CDS1: variants seen among roughly 807,000 people sequenced by gnomAD.
The protein encoded by CDS1 is phosphatidate cytidylyltransferase 1.
CDS1 carries 41 observed loss-of-function variants against 62.1 expected under a neutral mutation model. The observed-to-expected ratio is 0.66, with a 90% confidence interval of 0.51 to 0.86. CDS1 has a LOEUF of 0.86. Among genes scored for constraint, CDS1 ranks in the 40% least tolerant of loss-of-function variants. The pLI, the probability that CDS1 is intolerant of heterozygous loss-of-function variation, is 0.00. For missense variants in CDS1, 470 were observed against 550.1 expected (o/e 0.85, Z 1.46); for synonymous variants, 185 against 192.6 (o/e 0.96, Z 0.32).
At chr4:84,607,226 A>G (rs1012730302) in intron 2 of CDS1, among the ~76,000 whole-genome samples, 1 of 152,192 alleles carries the variant, frequency 6.6e-6, no homozygotes, top group Admixed American at 6.5e-5. Flanking sequence ...ATATTTGAAA[A>G]GAGTATTTGT....
chr4:84,584,697 G>A lies in CDS1; in HGVS notation c.117+1179G>A, dbSNP rs117506265. On this transcript the variant is annotated intron_variant, in intron 1 of 12. Transcript: ENST00000295887. ...ATGATATCACGAAATAAACGTAAACGTGATTCTTAGTACTAAAACTTTAGA... is the reference window on the plus strand; with the variant it reads ...ATGATATCACGAAATAAACGTAAACATGATTCTTAGTACTAAAACTTTAGA... 8.5e-5 allele frequency among the ~76,000 whole-genome samples: 13 copies of A among 152,222 alleles called. No individual in the cohort carries two copies. The East Asian group carries it at 2.3e-3, about 27-fold the overall frequency.
In CDS1 at chr4:84,650,936, A is replaced by G. The variant is rs1724713534; in HGVS notation, c.*2250A>G. On this transcript the variant is annotated 3_prime_UTR_variant, in exon 13 of 13. Coordinates refer to ENST00000295887, the MANE Select transcript of CDS1 (RefSeq NM_001263.4). ...AAGAGGGCTTAAATTCCAATGTAGC[A>G]ATGTGGTGGCAGACAAATGAAAAAC... 6.6e-6 allele frequency: 1 copy of G among 152,168 alleles called. No homozygotes were observed. The highest frequency in any genetic ancestry group is 1.5e-5 in the Non-Finnish European group (1 of 68,038). The allele number at this position is 152,168 out of a possible 1,614,324, so 9.4% of individuals were successfully genotyped here.
intron 1 of CDS1, among the ~76,000 whole-genome samples, chr4:84,587,264 CAAT>C (rs1722448000): frequency 6.6e-6 from 1 of 151,994 alleles, no homozygotes; most frequent in African/African-American, 2.4e-5. Context: ...AAATTTTAAA[CAAT>C]AAATTTGTAT....
At chr4:84,586,284 A>G (rs917257222) in intron 1 of CDS1, among the ~76,000 whole-genome samples, 4 of 152,106 alleles carry the variant, frequency 2.6e-5, no homozygotes, top group African/African-American at 9.7e-5. Context: ...TGTGCACTTT[A>G]TTTCTATTAT....
In CDS1 at chr4:84,649,991, A is replaced by G. The variant is rs886792313; in HGVS notation, c.*1305A>G. On this transcript the variant is annotated 3_prime_UTR_variant, in exon 13 of 13. Transcript: ENST00000295887. ...CACAGCCATATTTATTGTATTAAACAATCAGCACTAAACCTTCAAAAATTG... is the reference window on the plus strand; with the variant it reads ...CACAGCCATATTTATTGTATTAAACGATCAGCACTAAACCTTCAAAAATTG... 1 of 152,234 alleles carries G rather than the reference A, an allele frequency of 6.6e-6. No individual in the cohort carries two copies. The allele number at this position is 152,234 out of a possible 1,614,324, so 9.4% of individuals were successfully genotyped here. A position where few individuals can be genotyped will look rare whatever the true frequency, so the allele number is the denominator to read the frequency against.
At position 84,583,530 on chromosome 4, in the gene CDS1, C is replaced by T; in HGVS notation, c.117+12C>T. 6.8e-7 allele frequency: 1 copy of T among 1,464,862 alleles called. No homozygotes were observed. Among genetic ancestry groups the T allele is most frequent in the Non-Finnish European group, 9.2e-7 (1 of 1,092,270 alleles). The allele number at this position is 1,464,862 out of a possible 1,614,324, so 90.7% of individuals were successfully genotyped here. On this transcript the variant is annotated intron_variant, in intron 1 of 12. Coordinates refer to ENST00000295887, the MANE Select transcript of CDS1 (RefSeq NM_001263.4). ...GCACCAGCGACAAAGTAAGTGGAGC[C>T]GAGAGAGGCGGACGCCGCGCCCTGG...
At chr4:84,600,714 A>T (rs1271560799) in intron 1 of CDS1, among the ~76,000 whole-genome samples, 1 of 152,186 alleles carries the variant, frequency 6.6e-6, no homozygotes, top group African/African-American at 2.4e-5. Flanking sequence ...AAAACAGGTA[A>T]TATAAGTCCT....
At chr4:84,636,075 G>C (rs1444733156) in intron 8 of CDS1, among the ~76,000 whole-genome samples, 2 of 151,748 alleles carry the variant, frequency 1.3e-5, no homozygotes, top group African/African-American at 4.8e-5. Flanking sequence ...TTTTTCTCTC[G>C]GCCATTGGTG....
intron 5 of CDS1, among the ~76,000 whole-genome samples, chr4:84,627,937 C>A (rs1723908567): frequency 6.6e-6 from 1 of 152,124 alleles, no homozygotes; most frequent in African/African-American, 2.4e-5. Flanking sequence ...AAACCTTAGA[C>A]TAACCATTCA....
chr4:84,645,088 T>G, intron 11 of CDS1, 134 bp from the exon 12 acceptor site: 1 of 651,544 alleles, frequency 1.5e-6, no homozygotes, highest in East Asian at 2.7e-5. Context: ...CTAATAAGTT[T>G]TTATTTAGTG....
intron 3 of CDS1, among the ~76,000 whole-genome samples, chr4:84,611,296 G>A (rs1457299294): frequency 2.0e-5 from 3 of 152,206 alleles, no homozygotes; most frequent in African/African-American, 7.2e-5. Flanking sequence ...GGGGTGCCCT[G>A]TGGCCTTCTT....
chr4:84,599,801 G>C (rs1722881277), intron 1 of CDS1, among the ~76,000 whole-genome samples: 1 of 152,044 alleles, frequency 6.6e-6, no homozygotes, highest in South Asian at 2.1e-4. Flanking sequence ...TATTTGAGTT[G>C]TCCCTAGTTT....
chr4:84,615,103 A>G (rs1723447220), intron 3 of CDS1, among the ~76,000 whole-genome samples: 1 of 152,174 alleles, frequency 6.6e-6, no homozygotes, highest in Non-Finnish European at 1.5e-5. Flanking sequence ...TCTTAGTTGA[A>G]TATGACAGTT....
chr4:84,632,780 G>T (rs576253546), intron 6 of CDS1, among the ~76,000 whole-genome samples: 52 of 152,292 alleles, frequency 3.4e-4, no homozygotes, highest in African/African-American at 1.2e-3. Flanking sequence ...GAATAAAATA[G>T]AGCAACCAAT....
chr4:84,640,663 A>G (rs1408311909), intron 9 of CDS1, among the ~76,000 whole-genome samples, 175 bp from the exon 10 acceptor site: 2 of 152,162 alleles, frequency 1.3e-5, no homozygotes, highest in Admixed American at 6.6e-5. Context: ...GTCTTTTACT[A>G]GGATAATTAT....
rs370199667 is a variant in CDS1 at position 84,617,618 on chromosome 4, G to A, written c.397G>A (p.Val133Ile). ...FHEIITIGYR[V>I]YHSYDLPWFR... is the part of the protein sequence containing the mutation. ...TGAAATTATCACTATAGGTTATAGA[G>A]TCTATCATTCTTATGATCTACCATG... Residue 133 changes from valine to isoleucine, a missense_variant, in exon 4 of 13, where the codon GTC becomes ATC. This residue lies in a region of CDS1 where 34 missense variants were observed against 64.8 expected (regional missense o/e 0.52). Coordinates refer to ENST00000295887, the MANE Select transcript of CDS1 (RefSeq NM_001263.4). The A allele has an allele frequency of 1.9e-6, 3 of 1,594,880 alleles. No homozygotes were observed. The highest frequency in any genetic ancestry group is 2.6e-6 in the Non-Finnish European group (3 of 1,165,940).
chr4:84,614,564 C>T lies in CDS1; in HGVS notation c.343-3000C>T, dbSNP rs527817600. Among the ~76,000 whole-genome samples the T allele has an allele frequency of 3.9e-5, 6 of 152,166 alleles. No individual in the cohort carries two copies. The East Asian group carries it at 9.7e-4, about 25-fold the overall frequency. On this transcript the variant is annotated intron_variant, in intron 3 of 12. Transcript: ENST00000295887. ...AAAATTTGCAAAGTGAAAATAGACA[C>T]TTATTTGAATAACCCATAGGTACTC...
At chr4:84,592,338 A>G (rs933873150) in intron 1 of CDS1, among the ~76,000 whole-genome samples, 2 of 151,696 alleles carry the variant, frequency 1.3e-5, no homozygotes, top group Admixed American at 1.3e-4. Flanking sequence ...AAGCCTAGCT[A>G]ATTTTTGTAT....
At chr4:84,625,116 C>G (rs1290670819) in intron 5 of CDS1, among the ~76,000 whole-genome samples, 1 of 152,162 alleles carries the variant, frequency 6.6e-6, no homozygotes, top group African/African-American at 2.4e-5. Flanking sequence ...CTGCCTTGAT[C>G]TCCAAAAGTG....
Sources: gnomAD v4.1 joint callset for allele counts (sites outside exome capture counted in the v4.1 genomes callset) on GRCh38, gnomAD v4.1.1 for gene constraint, gnomAD v4.1.1 regional missense constraint, MANE v1.5 for transcripts, NCBI Gene and HGNC (gene_info 2026-07-23, HGNC 2026-07-21) for gene names.